The following CDH23 variants were observed in gnomAD, a reference collection of about 807,000 sequenced individuals.
CDH23 encodes the protein cadherin related 23.
In CDH23, 189 loss-of-function variants were observed where a neutral mutation model predicts 317.1. The observed-to-expected ratio is 0.60, with a 90% CI of 0.53 to 0.67. The LOEUF is 0.67. Ranked by LOEUF, CDH23 falls within the 30% of genes least tolerant of loss-of-function variation. The probability of loss-of-function intolerance (pLI) is 0.00; values close to 1 mark genes in which losing one functional copy is unlikely to be tolerated. For synonymous variants in CDH23, 1,839 were observed against 1,876.8 expected, an observed-to-expected ratio of 0.98 and a Z score of 0.52; for missense variants, 4,401 against 4,592.4, an observed-to-expected ratio of 0.96 and a Z score of 1.20.
intron 11 of CDH23, among the ~76,000 whole-genome samples, chr10:71,630,345 G>A (rs538011059): frequency 3.5e-4 from 53 of 152,230 alleles, no homozygotes; most frequent in Non-Finnish European, 6.8e-4. Flanking sequence ...AAAGGATGCT[G>A]TGTCTGCCAG....
At chr10:71,535,239 A>G (rs1288869137) in intron 6 of CDH23, among the ~76,000 whole-genome samples, 2 of 152,130 alleles carry the variant, frequency 1.3e-5, no homozygotes, top group East Asian at 1.9e-4. Context: ...GCCCAAAGAC[A>G]CTGTGTAAAT....
In CDH23 at chr10:71,779,261, T is replaced by C. The variant is rs1010075557; in HGVS notation, c.5188-6T>C. 4 of 1,613,850 alleles carry C rather than the reference T, an allele frequency of 2.5e-6. No homozygotes were observed. The highest frequency in any genetic ancestry group is 3.4e-6 in the Non-Finnish European group (4 of 1,179,822). ...AGGCCTTGGCTAAGCTTTTCCACCA[T>C]CTCAGGTGCTTGTGAATGTGAATGA... On this transcript the variant is annotated splice_region_variant and splice_polypyrimidine_tract_variant and intron_variant, in intron 40 of 69. Transcript: ENST00000224721.
At chr10:71,695,978 C>G (rs956873966) in intron 22 of CDH23, among the ~76,000 whole-genome samples, 7 of 152,250 alleles carry the variant, frequency 4.6e-5, no homozygotes, top group Non-Finnish European at 1.0e-4. Flanking sequence ...GCCCCCACGG[C>G]TGCCCAGCAG....
At chr10:71,439,088 T>C (rs1849753364) in intron 1 of CDH23, among the ~76,000 whole-genome samples, 1 of 152,024 alleles carries the variant, frequency 6.6e-6, no homozygotes, top group African/African-American at 2.4e-5. Context: ...CCCTTAGAAA[T>C]AGGATCTGGT....
At position 71,695,602 on chromosome 10, in the gene CDH23, G is replaced by A. The variant is rs1865357289; in HGVS notation, c.2397+77G>A. The A allele has an allele frequency of 3.3e-5, 34 of 1,037,910 alleles. 1 individual carries two copies. The South Asian group carries it at 4.2e-4, about 13-fold the overall frequency. The allele number at this position is 1,037,910 out of a possible 1,614,324, so 64.3% of individuals were successfully genotyped here. A position where few individuals can be genotyped will look rare whatever the true frequency, so the allele number is the denominator to read the frequency against. On this transcript the variant is annotated intron_variant, in intron 22 of 69. Coordinates refer to ENST00000224721, the MANE Select transcript of CDH23 (RefSeq NM_022124.6). ...GTGCCCCTCCCACTGCGATTCCAGG[G>A]GGCCTTCCCCTATGGGGCTGGTGGA...
In CDH23 at chr10:71,741,858, C is replaced by A; in HGVS notation, c.4782C>A (p.Arg1594=). 1 of 1,611,012 alleles carries A rather than the reference C, an allele frequency of 6.2e-7. No homozygotes were observed. The highest frequency in any genetic ancestry group is 8.5e-7 in the Non-Finnish European group (1 of 1,178,876). The change falls in exon 38 of 70, where the codon CGC becomes CGA. Residue 1594 remains arginine (R), a synonymous_variant. Coordinates refer to ENST00000224721, the MANE Select transcript of CDH23 (RefSeq NM_022124.6). ...EIATRPAPPD[R]ERQSFYHLVA... ...CCACACGGCCTGCCCCGCCTGACCG[C>A]GAGCGCCAGAGCTTCTACCACCTGG... is the stretch of plus-strand genomic sequence containing the variant.
chr10:71,774,049 GCGCACACA>G lies in CDH23; in HGVS notation c.4846-3629_4846-3622del, dbSNP rs1302328217. On this transcript the variant is annotated intron_variant, in intron 38 of 69. Transcript: ENST00000224721. Reference sequence around the variant, plus strand: ...TGAGGCACCCTGAGTGCATGCGCGCGCGCACACACACACACACACACACACACACACAC... The same window carrying G: ...TGAGGCACCCTGAGTGCATGCGCGCGCACACACACACACACACACACACAC... Among the ~76,000 whole-genome samples, 420 of 145,572 alleles carry G rather than the reference GCGCACACA, an allele frequency of 2.9e-3. 2 individuals carry two copies. Among genetic ancestry groups the G allele is most frequent in the Middle Eastern group, 7.0e-3 (2 of 284 alleles).
intron 11 of CDH23, among the ~76,000 whole-genome samples, chr10:71,631,608 A>T (rs1564698537): frequency 4.6e-5 from 7 of 152,206 alleles, no homozygotes; most frequent in Non-Finnish European, 7.3e-5. Context: ...TCATTAGGGA[A>T]TGTCCAAACC....
chr10:71,407,321 A>G (rs182756465), intron 1 of CDH23, among the ~76,000 whole-genome samples: 152 of 152,210 alleles, frequency 1.0e-3, no homozygotes, highest in Middle Eastern at 3.4e-3. Context: ...AGGTGTGTTT[A>G]TTACAGTCCT....
intron 1 of CDH23, among the ~76,000 whole-genome samples, chr10:71,421,243 A>G (rs1848800455): frequency 6.6e-6 from 1 of 152,208 alleles, no homozygotes; most frequent in Non-Finnish European, 1.5e-5. Context: ...GTGTCCAGCC[A>G]GGAGCGGTTC....
intron 3 of CDH23, among the ~76,000 whole-genome samples, chr10:71,497,686 G>A (rs1165808123): frequency 1.3e-5 from 2 of 152,100 alleles, no homozygotes; most frequent in Non-Finnish European, 2.9e-5. Flanking sequence ...CCTTAATATC[G>A]TAGATATCTA....
chr10:71,489,845 TG>T (rs1452008392), intron 3 of CDH23, among the ~76,000 whole-genome samples: 1 of 152,238 alleles, frequency 6.6e-6, no homozygotes, highest in Non-Finnish European at 1.5e-5. Context: ...AATGCAGATG[TG>T]GGCCATTAGG....
At chr10:71,758,853 T>A (rs1204177263) in intron 38 of CDH23, among the ~76,000 whole-genome samples, 2 of 151,880 alleles carry the variant, frequency 1.3e-5, no homozygotes, top group East Asian at 3.9e-4. Context: ...ATAGCGAGAG[T>A]GCATCTCTAC....
At chr10:71,720,247 TAGAAA>T (rs1866492173) in intron 28 of CDH23, among the ~76,000 whole-genome samples, 1 of 152,052 alleles carries the variant, frequency 6.6e-6, no homozygotes, top group South Asian at 2.1e-4. Flanking sequence ...CCTCAGCTTG[TAGAAA>T]AGCACCTTCC....
intron 28 of CDH23, chr10:71,716,152 G>A (rs563100014): frequency 3.8e-5 from 59 of 1,550,544 alleles, no homozygotes; most frequent in African/African-American, 1.4e-4. Flanking sequence ...GGTCCAGCGC[G>A]GCCGGCTTGC....
intron 6 of CDH23, among the ~76,000 whole-genome samples, chr10:71,535,043 C>T (rs546053083): frequency 7.9e-5 from 12 of 152,362 alleles, no homozygotes; most frequent in African/African-American, 2.6e-4. Context: ...CTGTGCCCTC[C>T]GCGGCTCTTC....
At chr10:71,455,572 G>A (rs571873272) in intron 3 of CDH23, among the ~76,000 whole-genome samples, 2 of 152,242 alleles carry the variant, frequency 1.3e-5, no homozygotes, top group Admixed American at 6.5e-5. Flanking sequence ...TTGTGCATGC[G>A]AACAGAAGAG....
intron 6 of CDH23, among the ~76,000 whole-genome samples, chr10:71,545,145 C>A: frequency 6.6e-6 from 1 of 152,196 alleles, no homozygotes; most frequent in East Asian, 1.9e-4. Context: ...AGTGCTCACC[C>A]CAGCCTTTCC....
At chr10:71,556,125 C>A (rs1386594009) in intron 6 of CDH23, among the ~76,000 whole-genome samples, 2 of 152,160 alleles carry the variant, frequency 1.3e-5, no homozygotes, top group Admixed American at 1.3e-4. Flanking sequence ...AAATCGAGGA[C>A]CTCAGTGGAG....
Sources: allele counts gnomAD v4.1 joint callset (sites outside exome capture counted in the v4.1 genomes callset), GRCh38; gene constraint gnomAD v4.1.1; transcripts MANE v1.5; gene names NCBI Gene and HGNC (gene_info 2026-07-23, HGNC 2026-07-21).